Variants in BRIP1 observed in about 807,000 individuals in gnomAD.
The protein encoded by BRIP1 is BRCA1 interacting DNA helicase 1.
Under a neutral mutation model 119.7 loss-of-function variants are expected in BRIP1, and 88 were observed. That is an observed-to-expected ratio of 0.74 (90% CI 0.62 to 0.88). BRIP1 has a LOEUF of 0.88. Among genes scored for constraint, BRIP1 ranks in the 40% least tolerant of loss-of-function variants. BRIP1 has a pLI of 0.00. For missense variants in BRIP1, 1,259 were observed against 1,455.4 expected, an observed-to-expected ratio of 0.87 and a Z score of 2.20; for synonymous variants, 443 against 496.5, an observed-to-expected ratio of 0.89 and a Z score of 1.43.
Position 61,799,301 on chromosome 17 carries a change from TATAAG to T in BRIP1, c.1141-7_1141-3del, listed in dbSNP as rs1060501744. ...CTGTTCTTTCAGATTTAAATCCATC[TATAAG>T]ATAAAAGAATTTTCTTGTAAAACAT... On this transcript the variant is annotated splice_region_variant and splice_polypyrimidine_tract_variant and intron_variant, in intron 8 of 19. Coordinates refer to ENST00000259008, the MANE Select transcript of BRIP1 (RefSeq NM_032043.3). This position sits in a 1 kb window ranked among gnomAD's most constrained non-coding sequence, Gnocchi z 5.1. The T allele has an allele frequency of 1.2e-6, 2 of 1,607,188 alleles. No individual in the cohort carries two copies. The highest frequency in any genetic ancestry group is 1.1e-5 in the South Asian group (1 of 90,686).
In BRIP1 at chr17:61,801,303, T is replaced by C. The variant is rs770306753; in HGVS notation, c.1090A>G (p.Ile364Val). 11 of 1,614,076 alleles carry C rather than the reference T, an allele frequency of 6.8e-6. No individual in the cohort carries two copies. The highest frequency in any genetic ancestry group is 5.5e-5 in the South Asian group (5 of 91,076). The change falls in exon 8 of 20, where the codon ATC becomes GTC. Residue 364 changes from isoleucine to valine, a missense_variant. Physicochemically the swap from Ile to Val is conservative, Grantham distance 29. Coordinates refer to ENST00000259008, the MANE Select transcript of BRIP1 (RefSeq NM_032043.3). ...AGATAGTTGTAGGGACAAAATATGATGTCAGCATCTTGTATTAGTTCTCGG... is the reference window on the plus strand; with the variant it reads ...AGATAGTTGTAGGGACAAAATATGACGTCAGCATCTTGTATTAGTTCTCGG... ...TARELIQDAD[I>V]IFCPYNYLLD...
At position 61,734,303 on chromosome 17, in the gene BRIP1, G is replaced by A. The variant is rs2076889099; in HGVS notation, c.2379+8710C>T. On this transcript the variant is annotated intron_variant, in intron 16 of 19. Transcript: ENST00000259008. This position sits in a 1 kb window ranked among gnomAD's most constrained non-coding sequence, Gnocchi z 5.2. ...GAAAAAGAAAACAACTTTTATTTTA[G>A]TTATACTTTTCCATCGACATCTAGT... Among the ~76,000 whole-genome samples, 1 of 152,160 alleles carries A rather than the reference G, an allele frequency of 6.6e-6. No individual in the cohort carries two copies. Among genetic ancestry groups the A allele is most frequent in the Non-Finnish European group, 1.5e-5 (1 of 68,008 alleles).
chr17:61,744,278 A>G lies in BRIP1; in HGVS notation c.2257+154T>C, dbSNP rs1255239428. ...ATTCATAGGAGAACAAGTACAATTA[A>G]AAGAATTTCTTTACCCAATTTATTT... On this transcript the variant is annotated intron_variant, in intron 15 of 19. Transcript: ENST00000259008. The surrounding 1 kb of genome is among the most constrained non-coding windows in gnomAD (Gnocchi z 5.0). Among the ~76,000 whole-genome samples, 3 of 152,196 alleles carry G rather than the reference A, an allele frequency of 2.0e-5. No individual in the cohort carries two copies. The highest frequency in any genetic ancestry group is 3.8e-4 in the East Asian group (2 of 5,200).
Position 61,726,770 on chromosome 17 carries a change from T to C in BRIP1, c.2380-10707A>G, listed in dbSNP as rs2076771008. 6.6e-6 allele frequency among the ~76,000 whole-genome samples: 1 copy of C among 152,232 alleles called. No individual in the cohort carries two copies. The highest frequency in any genetic ancestry group is 2.1e-4 in the South Asian group (1 of 4,836). On this transcript the variant is annotated intron_variant, in intron 16 of 19. Transcript: ENST00000259008. The surrounding 1 kb of genome is among the most constrained non-coding windows in gnomAD (Gnocchi z 6.2). ...TAGCACTCTTTAATATCCTCCATAATACTTTTTGGTCACTTTTCAACTTAT... is the reference window on the plus strand; with the variant it reads ...TAGCACTCTTTAATATCCTCCATAACACTTTTTGGTCACTTTTCAACTTAT...
intron 6 of BRIP1, among the ~76,000 whole-genome samples, chr17:61,840,119 G>A (rs1476427899): frequency 6.6e-6 from 1 of 152,138 alleles, no homozygotes; most frequent in East Asian, 1.9e-4. Context: ...AGCACTTTGG[G>A]AGGCCGAGGC....
rs900782346 is a variant in BRIP1, at chr17:61,796,920, G to C, written c.1340+2180C>G. ...TAATTGGATGAGGTGAGGCAGTAAG[G>C]ATATTATTAAGGATAGTATTTAACT... On this transcript the variant is annotated intron_variant, in intron 9 of 19. Coordinates refer to ENST00000259008, the MANE Select transcript of BRIP1 (RefSeq NM_032043.3). This position sits in a 1 kb window ranked among gnomAD's most constrained non-coding sequence, Gnocchi z 4.8. Among the ~76,000 whole-genome samples, 2 of 152,010 alleles carry C rather than the reference G, an allele frequency of 1.3e-5. No individual in the cohort carries two copies. Among genetic ancestry groups the C allele is most frequent in the Non-Finnish European group, 2.9e-5 (2 of 67,950 alleles).
chr17:61,857,117 T>A lies in BRIP1; in HGVS notation c.320A>T (p.His107Leu), dbSNP rs876659809. ...NNDMNQGTSR[H>L]FNYPSTPPSE... ...AGGTGGTGTGCTTGGATAGTTGAAA[T>A]GACGTGAAGTTCCTTGGTTCATGTC... The change falls in exon 4 of 20, where the codon CAT becomes CTT. Residue 107 changes from histidine to leucine, a missense_variant. By Grantham distance (99) the His-to-Leu change is moderately conservative. Around this residue, in one of 3 missense-constraint regions of BRIP1, gnomAD observed 501 missense variants for 544.0 expected, o/e 0.92. Transcript: ENST00000259008. The surrounding 1 kb of genome is among the most constrained non-coding windows in gnomAD (Gnocchi z 5.1). The A allele has an allele frequency of 2.5e-6, 4 of 1,614,162 alleles. No individual in the cohort carries two copies. The highest frequency in any genetic ancestry group is 8.5e-7 in the Non-Finnish European group (1 of 1,179,994).
At position 61,687,417 on chromosome 17, in the gene BRIP1, T is replaced by C. The variant is rs1180464387; in HGVS notation, c.2576-1252A>G. Among the ~76,000 whole-genome samples the C allele has an allele frequency of 6.6e-6, 1 of 151,418 alleles. No homozygotes were observed. Among genetic ancestry groups the C allele is most frequent in the African/African-American group, 2.5e-5 (1 of 40,734 alleles). ...GACACCAGCACTTAGCATTTTTGCC[T>C]TTAGTTACTGTTTGACCTATGCTAC... On this transcript the variant is annotated intron_variant, in intron 18 of 19. Transcript: ENST00000259008. This position sits in a 1 kb window ranked among gnomAD's most constrained non-coding sequence, Gnocchi z 5.1.
chr17:61,739,290 TTC>T lies in BRIP1; in HGVS notation c.2379+3721_2379+3722del. ...AATGCTGTTGATGGTGACAGTAGAT[TTC>T]TTGGGTAGATGTCAACTGTTTCATC... On this transcript the variant is annotated intron_variant, in intron 16 of 19. Coordinates refer to ENST00000259008, the MANE Select transcript of BRIP1 (RefSeq NM_032043.3). The surrounding 1 kb of genome is among the most constrained non-coding windows in gnomAD (Gnocchi z 6.0). 1 of 201,138 alleles carries T rather than the reference TTC, an allele frequency of 5.0e-6. No individual in the cohort carries two copies. Among genetic ancestry groups the T allele is most frequent in the Non-Finnish European group, 1.0e-5 (1 of 97,520 alleles). The allele number at this position is 201,138 out of a possible 1,614,324, so 12.5% of individuals were successfully genotyped here.
chr17:61,684,190 T>G lies in BRIP1; in HGVS notation c.2906-50A>C. On this transcript the variant is annotated intron_variant, in intron 19 of 19. Coordinates refer to ENST00000259008, the MANE Select transcript of BRIP1 (RefSeq NM_032043.3). The surrounding 1 kb of genome is among the most constrained non-coding windows in gnomAD (Gnocchi z 4.5). ...TTTAACTTTCTGCTCCTAGCTAACA[T>G]AATTGCTAGGTTAAAATAATTATTT... The G allele has an allele frequency of 6.3e-7, 1 of 1,582,148 alleles. No individual in the cohort carries two copies. Among genetic ancestry groups the G allele is most frequent in the East Asian group, 2.2e-5 (1 of 44,724 alleles).
Position 61,759,039 on chromosome 17 carries a change from T to TAAATAAATAAAC in BRIP1, c.2098-14449_2098-14448insGTTTATTTATTT. On this transcript the variant is annotated intron_variant, in intron 14 of 19. Coordinates refer to ENST00000259008, the MANE Select transcript of BRIP1 (RefSeq NM_032043.3). This position sits in a 1 kb window ranked among gnomAD's most constrained non-coding sequence, Gnocchi z 4.9. ...ATAAATAAATAAATAAATAAATAAA[T>TAAATAAATAAAC]AAATGGCAGTAATAACTCTTTACCT... Among the ~76,000 whole-genome samples the TAAATAAATAAAC allele has an allele frequency of 6.6e-6, 1 of 151,164 alleles. No homozygotes were observed. Among genetic ancestry groups the TAAATAAATAAAC allele is most frequent in the Non-Finnish European group, 1.5e-5 (1 of 67,810 alleles).
Position 61,683,599 on chromosome 17 carries a change from T to G in BRIP1, c.3447A>C (p.Leu1149=). The G allele has an allele frequency of 6.2e-7, 1 of 1,612,336 alleles. No homozygotes were observed. Among genetic ancestry groups the G allele is most frequent in the Non-Finnish European group, 8.5e-7 (1 of 1,179,902 alleles). Residue 1149 remains leucine (L), a synonymous_variant, in exon 20 of 20, where the codon CTA becomes CTC. Coordinates refer to ENST00000259008, the MANE Select transcript of BRIP1 (RefSeq NM_032043.3). The surrounding 1 kb of genome is among the most constrained non-coding windows in gnomAD (Gnocchi z 4.7). ...PEDTDEEKND[L]AETDRGNRLA... Reference sequence around the variant, plus strand: ...ATCTATTTCCTCTATCAGTTTCAGCTAGGTCATTTTTTTCTTCATCTGTAT... The same window carrying G: ...ATCTATTTCCTCTATCAGTTTCAGCGAGGTCATTTTTTTCTTCATCTGTAT...
Position 61,828,939 on chromosome 17 carries a change from C to T in BRIP1, c.627+18162G>A, listed in dbSNP as rs1164027782. On this transcript the variant is annotated intron_variant, in intron 6 of 19. Coordinates refer to ENST00000259008, the MANE Select transcript of BRIP1 (RefSeq NM_032043.3). This position sits in a 1 kb window ranked among gnomAD's most constrained non-coding sequence, Gnocchi z 4.1. The stretch of plus-strand genomic sequence containing the variant: ...GGTACACTGTGATAAGTTTAAGATG[C>T]AAAGTATGAAGCAACTCACAAAAAT... Among the ~76,000 whole-genome samples, 2 of 151,916 alleles carry T rather than the reference C, an allele frequency of 1.3e-5. No homozygotes were observed. The highest frequency in any genetic ancestry group is 3.9e-4 in the East Asian group (2 of 5,188).
intron 10 of BRIP1, among the ~76,000 whole-genome samples, chr17:61,791,836 CA>C (rs1339730732): frequency 6.6e-6 from 1 of 152,016 alleles, no homozygotes; most frequent in Non-Finnish European, 1.5e-5. Flanking sequence ...ATGAAATATT[CA>C]GTCTTAAAAA....
intron 5 of BRIP1, among the ~76,000 whole-genome samples, chr17:61,847,947 C>T (rs2078759347): frequency 6.6e-6 from 1 of 151,972 alleles, no homozygotes; most frequent in Non-Finnish European, 1.5e-5. Context: ...TACATTTTGT[C>T]GGGGGGAAAT....
chr17:61,777,680 G>A (rs1307589444), intron 13 of BRIP1, among the ~76,000 whole-genome samples: 1 of 151,938 alleles, frequency 6.6e-6, no homozygotes, highest in Non-Finnish European at 1.5e-5. Flanking sequence ...GATGTATGTG[G>A]GAAGGGGCTC....
chr17:61,713,155 A>C lies in BRIP1; in HGVS notation c.2492+2796T>G, dbSNP rs2061805480. 6.6e-6 allele frequency among the ~76,000 whole-genome samples: 1 copy of C among 152,214 alleles called. No homozygotes were observed. The highest frequency in any genetic ancestry group is 2.4e-5 in the African/African-American group (1 of 41,440). On this transcript the variant is annotated intron_variant, in intron 17 of 19. Coordinates refer to ENST00000259008, the MANE Select transcript of BRIP1 (RefSeq NM_032043.3). This position sits in a 1 kb window ranked among gnomAD's most constrained non-coding sequence, Gnocchi z 4.9. ...CAAGTGCTTGTGGCGATGCTGGTGT[A>C]AACAAACCTACTGTGCTGCTAGTCT...
intron 10 of BRIP1, among the ~76,000 whole-genome samples, chr17:61,792,389 A>T (rs1438821842): frequency 6.6e-6 from 1 of 152,238 alleles, no homozygotes; most frequent in Non-Finnish European, 1.5e-5. Flanking sequence ...TAATAGCTTT[A>T]TTCACAATTG....
At chr17:61,818,704 T>C (rs2145509769) in intron 6 of BRIP1, among the ~76,000 whole-genome samples, 1 of 152,196 alleles carries the variant, frequency 6.6e-6, no homozygotes, top group African/African-American at 2.4e-5. Context: ...TTTTAGCGGG[T>C]TTCTATTTCT....
Sources: gnomAD v4.1 joint callset for allele counts (sites outside exome capture counted in the v4.1 genomes callset) on GRCh38, gnomAD v4.1.1 for gene constraint, gnomAD v4.1.1 regional missense constraint, Gnocchi (gnomAD v3.1) non-coding constraint, MANE v1.5 for transcripts, NCBI Gene and HGNC (gene_info 2026-07-23, HGNC 2026-07-21) for gene names.